Variants in PRMT8 observed in about 807,000 individuals in gnomAD.
The protein encoded by PRMT8 is protein arginine methyltransferase 8.
In PRMT8, 7 loss-of-function variants were observed where a neutral mutation model predicts 47.1. The observed-to-expected ratio is 0.15, with a 90% CI of 0.08 to 0.28. The LOEUF (loss-of-function observed/expected upper bound fraction) is 0.28. PRMT8 is among the 10% of genes least tolerant of loss of function. The pLI, the probability that PRMT8 is intolerant of heterozygous loss-of-function variation, is 1.00. For synonymous variants in PRMT8, 188 were observed against 186.5 expected, an observed-to-expected ratio of 1.01 and a Z score of -0.07; for missense variants, 237 against 505.4, an observed-to-expected ratio of 0.47 and a Z score of 5.09.
At chr12:3,562,079 T>C (rs1466201310) in intron 4 of PRMT8, among the ~76,000 whole-genome samples, 1 of 152,208 alleles carries the variant, frequency 6.6e-6, no homozygotes, top group African/African-American at 2.4e-5. Flanking sequence ...GGTTGTTAAG[T>C]ATCTCCAGCA....
chr12:3,568,888 C>T (rs758981573), intron 5 of PRMT8, 40 bp downstream of exon 5: 4 of 1,611,212 alleles, frequency 2.5e-6, no homozygotes, highest in South Asian at 1.1e-5. Context: ...GGCCGGCTGG[C>T]TGTCCTGCTC....
chr12:3,467,799 T>A (rs534798070), intron 1 of PRMT8, among the ~76,000 whole-genome samples: 15 of 152,256 alleles, frequency 9.9e-5, no homozygotes, highest in South Asian at 8.3e-4. Flanking sequence ...GGCACCTCAT[T>A]CCTAGAACAG....
rs145439317 is a variant in PRMT8, at chr12:3,508,460, G to A, written c.75+16760G>A. Among the ~76,000 whole-genome samples the A allele has an allele frequency of 7.9e-4, 120 of 152,324 alleles. 1 individual carries two copies. The highest frequency in any genetic ancestry group is 2.3e-3 in the African/African-American group (94 of 41,558). On this transcript the variant is annotated intron_variant, in intron 1 of 9. Transcript: ENST00000382622. The surrounding 1 kb of genome is among the most constrained non-coding windows in gnomAD (Gnocchi z 4.9). The stretch of plus-strand genomic sequence containing the variant: ...CACACAGGGTCTGACATCTGAACGC[G>A]GGAGAGTGTGTTTCCTGTGAGAAAC...
chr12:3,512,880 C>G (rs1164555304), intron 1 of PRMT8, among the ~76,000 whole-genome samples: 2 of 152,174 alleles, frequency 1.3e-5, no homozygotes, highest in African/African-American at 2.4e-5. Flanking sequence ...TTGTGAGTAA[C>G]CACCAGGCAT....
In PRMT8 at chr12:3,456,060, C is replaced by T. The variant is rs995939599; in HGVS notation, c.48+74618C>T. On this transcript the variant is annotated intron_variant, in intron 1 of 9. Coordinates refer to the PRMT8 transcript ENST00000452611. The surrounding 1 kb of genome is among the most constrained non-coding windows in gnomAD (Gnocchi z 4.2). ...AATGAGGATAGTAAGTCACACCTCA[C>T]AGGGAAACTGAGGCTGACGCAGGAA... 6.6e-6 allele frequency among the ~76,000 whole-genome samples: 1 copy of T among 152,240 alleles called. No homozygotes were observed. The highest frequency in any genetic ancestry group is 2.4e-5 in the African/African-American group (1 of 41,458).
intron 2 of PRMT8, among the ~76,000 whole-genome samples, chr12:3,545,933 G>A (rs375932023): frequency 6.6e-6 from 1 of 152,136 alleles, no homozygotes; most frequent in African/African-American, 2.4e-5. Context: ...GTGCACGTGG[G>A]AACATTCACT....
intron 1 of PRMT8, among the ~76,000 whole-genome samples, chr12:3,437,109 G>A (rs965989696): frequency 1.1e-4 from 16 of 152,096 alleles, no homozygotes; most frequent in Admixed American, 1.0e-3. Context: ...CCCTCCTGGG[G>A]TATCCAACAC....
intron 1 of PRMT8, among the ~76,000 whole-genome samples, chr12:3,414,638 G>A (rs1330797881): frequency 6.6e-6 from 1 of 152,110 alleles, no homozygotes; most frequent in Non-Finnish European, 1.5e-5. Flanking sequence ...CCGGCATCCA[G>A]AAAGAATCAG....
chr12:3,565,710 A>G (rs531783771), intron 4 of PRMT8, among the ~76,000 whole-genome samples: 15 of 152,354 alleles, frequency 9.8e-5, no homozygotes, highest in African/African-American at 3.1e-4. Context: ...CTGTCTATCT[A>G]TCAATCATCT....
intron 1 of PRMT8, among the ~76,000 whole-genome samples, chr12:3,485,552 G>C (rs1865314949): frequency 6.6e-6 from 1 of 152,126 alleles, no homozygotes; most frequent in Non-Finnish European, 1.5e-5. Context: ...TTCATCAGTA[G>C]GTGAATTGTT....
upstream of PRMT8, among the ~76,000 whole-genome samples, chr12:3,489,944 T>C (rs551621635): frequency 6.6e-6 from 1 of 152,168 alleles, no homozygotes; most frequent in Non-Finnish European, 1.5e-5. Context: ...CTTAGTGCAA[T>C]GTATCCTCTC....
chr12:3,484,444 T>C (rs1046721976), intron 1 of PRMT8, among the ~76,000 whole-genome samples: 2 of 152,252 alleles, frequency 1.3e-5, no homozygotes, highest in Non-Finnish European at 2.9e-5. Context: ...CCTGCTGTCA[T>C]GCTCTTTCTC....
chr12:3,439,555 C>T (rs999896753), intron 1 of PRMT8, among the ~76,000 whole-genome samples: 2 of 152,226 alleles, frequency 1.3e-5, no homozygotes, highest in African/African-American at 4.8e-5. Flanking sequence ...CAGTGACTTT[C>T]CTGATGGACT....
At chr12:3,498,270 G>A (rs1238486510) in intron 1 of PRMT8, among the ~76,000 whole-genome samples, 1 of 152,226 alleles carries the variant, frequency 6.6e-6, no homozygotes, top group Non-Finnish European at 1.5e-5. Flanking sequence ...TCAAAGTCTG[G>A]TTTTCTAATC....
In PRMT8 at chr12:3,491,596, C is replaced by T. The variant is rs1865399220; in HGVS notation, c.-30C>T. ...CCAGCTCTCTCTCCTCCTCTACTATCTCGGTATCACCAAACCCTTGCCGGC... is the reference window on the plus strand; with the variant it reads ...CCAGCTCTCTCTCCTCCTCTACTATTTCGGTATCACCAAACCCTTGCCGGC... On this transcript the variant is annotated 5_prime_UTR_variant, in exon 1 of 10. Transcript: ENST00000382622. 3 of 1,609,002 alleles carry T rather than the reference C, an allele frequency of 1.9e-6. No homozygotes were observed. The highest frequency in any genetic ancestry group is 2.5e-6 in the Non-Finnish European group (3 of 1,178,390).
chr12:3,515,195 C>T (rs1314848152), intron 1 of PRMT8, among the ~76,000 whole-genome samples: 1 of 152,234 alleles, frequency 6.6e-6, no homozygotes, highest in Non-Finnish European at 1.5e-5. Context: ...TCAACAGGTG[C>T]TGGCTGTGGT....
chr12:3,447,589 C>A (rs1189472365), intron 1 of PRMT8, among the ~76,000 whole-genome samples: 2 of 152,168 alleles, frequency 1.3e-5, no homozygotes, highest in Admixed American at 6.5e-5. Context: ...CCCCTTGCCT[C>A]ATCTCTAACC....
intron 1 of PRMT8, among the ~76,000 whole-genome samples, chr12:3,497,611 G>C (rs1425282737): frequency 6.6e-6 from 1 of 152,154 alleles, no homozygotes; most frequent in Non-Finnish European, 1.5e-5. Context: ...AATAGGAATA[G>C]CTAGGAGAGG....
chr12:3,478,300 CTATCTAT>C lies in PRMT8; in HGVS notation c.49-62305_49-62299del, dbSNP rs1565417733. On this transcript the variant is annotated intron_variant, in intron 1 of 9. Transcript: ENST00000452611. ...TCTATCTATCTATCTATCTATCTAT[CTATCTAT>C]CTACCTACCTATCTATCTGTCTGTC... Among the ~76,000 whole-genome samples the C allele has an allele frequency of 3.1e-3, 467 of 149,630 alleles. 3 individuals carry two copies. Among genetic ancestry groups the C allele is most frequent in the Middle Eastern group, 6.9e-3 (2 of 290 alleles).
Sources: gnomAD v4.1 joint callset for allele counts (sites outside exome capture counted in the v4.1 genomes callset) on GRCh38, gnomAD v4.1.1 for gene constraint, Gnocchi (gnomAD v3.1) non-coding constraint, MANE v1.5 for transcripts, NCBI Gene and HGNC (gene_info 2026-07-23, HGNC 2026-07-21) for gene names.